Variants in GLB1L3 observed in about 807,000 individuals in gnomAD.
GLB1L3 encodes beta-galactosidase-1-like protein 3.
Under a neutral mutation model 89.5 loss-of-function variants are expected in GLB1L3, and 89 were observed. That is an observed-to-expected ratio of 0.99 (90% CI 0.84 to 1.19). GLB1L3 has a LOEUF of 1.19. Ranked by LOEUF, GLB1L3 falls within the 50% of genes most tolerant of loss-of-function variation. The pLI is 0.00. For missense variants in GLB1L3, 812 were observed against 813.3 expected (o/e 1.00, Z 0.02); for synonymous variants, 314 against 312.3 (o/e 1.01, Z -0.06).
At chr11:134,313,514 C>T (rs573361734) in intron 16 of GLB1L3, 40 bp downstream of exon 16, 9 of 1,500,624 alleles carry the variant, frequency 6.0e-6, no homozygotes, top group Middle Eastern at 1.7e-4. Flanking sequence ...TGCTCAGAAC[C>T]GAAGACCCGG....
chr11:134,283,315 C>T lies in GLB1L3; in HGVS notation c.528-422C>T, dbSNP rs140107332. 1.1e-3 allele frequency among the ~76,000 whole-genome samples: 163 copies of T among 152,260 alleles called. 1 individual carries two copies. In the East Asian group the frequency reaches 0.027, roughly 25 times the overall value. On this transcript the variant is annotated intron_variant, in intron 5 of 19. Transcript: ENST00000431683. Reference sequence around the variant, plus strand: ...CTGACCTCAGGTGATCTGCCCACCTCGGCCTCCCAAAGTGCTGGGATTATA... The same window carrying T: ...CTGACCTCAGGTGATCTGCCCACCTTGGCCTCCCAAAGTGCTGGGATTATA...
intron 7 of GLB1L3, among the ~76,000 whole-genome samples, chr11:134,291,908 A>G (rs1213477407): frequency 6.6e-6 from 1 of 152,168 alleles, no homozygotes; most frequent in Non-Finnish European, 1.5e-5. Flanking sequence ...CCAGGAGTTT[A>G]AGGTTATAGT....
At chr11:134,299,957 C>T (rs1423793559) in intron 9 of GLB1L3, among the ~76,000 whole-genome samples, 1 of 152,152 alleles carries the variant, frequency 6.6e-6, no homozygotes, top group South Asian at 2.1e-4. Flanking sequence ...TGCTGTTTCT[C>T]AGCTGATTGG....
At chr11:134,321,185 A>G (rs906689474), downstream of GLB1L3, among the ~76,000 whole-genome samples, 1 of 152,228 alleles carries the variant, frequency 6.6e-6, no homozygotes, top group Admixed American at 6.5e-5. Flanking sequence ...AACACTGTGT[A>G]AAGCGAGAGG....
chr11:134,283,820 T>C lies in GLB1L3; in HGVS notation c.611T>C (p.Leu204Pro), dbSNP rs534354422. The C allele has an allele frequency of 6.2e-7, 1 of 1,610,170 alleles. No individual in the cohort carries two copies. Among genetic ancestry groups the C allele is most frequent in the African/African-American group, 1.3e-5 (1 of 74,976 alleles). ...GCAGTTGAGAAGTATTTTGACCACC[T>C]GATTCCCAGAGTGATTCCTCTCCAG... is the stretch of plus-strand genomic sequence containing the variant. ...IEAVEKYFDH[L>P]IPRVIPLQYR... The change falls in exon 6 of 20, where the codon CTG becomes CCG. Residue 204 changes from leucine to proline, a missense_variant. Transcript: ENST00000431683.
chr11:134,305,310 T>C, intron 9 of GLB1L3: 1 of 552,086 alleles, frequency 1.8e-6, no homozygotes. Flanking sequence ...GGTATTGCAC[T>C]ATAGAGTATG....
chr11:134,297,702 A>G (rs1941722533), intron 9 of GLB1L3, among the ~76,000 whole-genome samples: 1 of 151,904 alleles, frequency 6.6e-6, no homozygotes, highest in South Asian at 2.1e-4. Flanking sequence ...CTCTATTAAA[A>G]TACAAAAATT....
intron 2 of GLB1L3, 68 bp from the exon 3 acceptor site, chr11:134,277,632 G>T: frequency 6.5e-7 from 1 of 1,537,940 alleles, no homozygotes; most frequent in Non-Finnish European, 8.9e-7. Context: ...GGTTTCAGCC[G>T]TGCCTCCGAG....
intron 12 of GLB1L3, 45 bp downstream of exon 12, chr11:134,310,696 G>T (rs759703012): frequency 7.0e-6 from 10 of 1,435,658 alleles, no homozygotes; most frequent in Non-Finnish European, 9.8e-6. Context: ...TCCTCATGTG[G>T]AGTCTCTGTT....
chr11:134,298,802 C>T (rs1469331791), intron 9 of GLB1L3, among the ~76,000 whole-genome samples: 2 of 152,238 alleles, frequency 1.3e-5, no homozygotes, highest in Admixed American at 6.5e-5. Flanking sequence ...TTATCTGCAG[C>T]GTGAAAATGG....
chr11:134,289,017 G>C, intron 7 of GLB1L3, 127 bp downstream of exon 7: 1 of 631,912 alleles, frequency 1.6e-6, no homozygotes, highest in Non-Finnish European at 2.6e-6. Context: ...CTGTGAACAC[G>C]AGGTGCGGAG....
intron 12 of GLB1L3, 150 bp from the exon 13 acceptor site, chr11:134,310,914 T>C: frequency 4.5e-6 from 3 of 673,256 alleles, no homozygotes; most frequent in Non-Finnish European, 7.9e-6. Context: ...ACTGCGAAGA[T>C]TGAGTTACTC....
chr11:134,308,508 C>CCAT (rs1565414194), intron 10 of GLB1L3, among the ~76,000 whole-genome samples: 7 of 91,816 alleles, frequency 7.6e-5, no homozygotes, highest in African/African-American at 1.9e-4. Context: ...AATACCACCA[C>CCAT]CACCACCACC....
chr11:134,305,735 AG>A (rs1273303827), intron 9 of GLB1L3, among the ~76,000 whole-genome samples: 1 of 152,202 alleles, frequency 6.6e-6, no homozygotes, highest in Non-Finnish European at 1.5e-5. Flanking sequence ...AGTAGTAAAA[AG>A]GCTTATTAAT....
chr11:134,322,867 C>G (rs1943183822), downstream of GLB1L3, among the ~76,000 whole-genome samples: 1 of 152,172 alleles, frequency 6.6e-6, no homozygotes, highest in South Asian at 2.1e-4. Flanking sequence ...AATAATGCTA[C>G]TATGAATATT....
chr11:134,314,169 G>A, intron 17 of GLB1L3, 141 bp downstream of exon 17: 1 of 742,090 alleles, frequency 1.3e-6, no homozygotes, highest in Admixed American at 2.2e-5. Flanking sequence ...GTCAGAACTA[G>A]GGCCCTGGAA....
At chr11:134,319,950 T>C (rs1943142869), downstream of GLB1L3, among the ~76,000 whole-genome samples, 1 of 152,132 alleles carries the variant, frequency 6.6e-6, no homozygotes, top group Admixed American at 6.5e-5. Context: ...TGTGTCTTCT[T>C]ACTCCCTGTC....
intron 3 of GLB1L3, 108 bp downstream of exon 3, chr11:134,278,020 C>G: frequency 1.0e-6 from 1 of 999,270 alleles, no homozygotes; most frequent in Non-Finnish European, 1.5e-6. Flanking sequence ...TTACCTTCCG[C>G]ACAGTCGTTT....
chr11:134,307,213 G>A lies in GLB1L3; in HGVS notation c.961+5G>A, dbSNP rs757439233. The A allele has an allele frequency of 2.5e-6, 4 of 1,602,436 alleles. No homozygotes were observed. Among genetic ancestry groups the A allele is most frequent in the Non-Finnish European group, 3.4e-6 (4 of 1,170,426 alleles). On this transcript the variant is annotated splice_donor_5th_base_variant and intron_variant, in intron 10 of 19. Transcript: ENST00000431683. ...ACCATGTTAAAGATGCAAAGGGTGA[G>A]TGTTTTGCAGTGTTTGACTCCAGGA...
Sources: allele counts gnomAD v4.1 joint callset (sites outside exome capture counted in the v4.1 genomes callset), GRCh38; gene constraint gnomAD v4.1.1; transcripts MANE v1.5; gene names NCBI Gene and HGNC (gene_info 2026-07-23, HGNC 2026-07-21).